The following KCNK1 variants were observed in gnomAD, a reference collection of about 807,000 sequenced individuals.
KCNK1 encodes potassium two pore domain channel subfamily K member 1.
Under a neutral mutation model 22.2 loss-of-function variants are expected in KCNK1, and 10 were observed. The observed-to-expected ratio is 0.45, with a 90% confidence interval of 0.28 to 0.76. The LOEUF (loss-of-function observed/expected upper bound fraction) is 0.76. Among genes scored for constraint, KCNK1 ranks in the 30% least tolerant of loss-of-function variants. The pLI is 0.14. For missense variants in KCNK1, 378 were observed against 421.0 expected (o/e 0.90, Z 0.89); for synonymous variants, 200 against 186.4 (o/e 1.07, Z -0.60).
chr1:233,662,210 AGCT>A (rs1658405494), intron 1 of KCNK1, among the ~76,000 whole-genome samples: 1 of 151,064 alleles, frequency 6.6e-6, no homozygotes, highest in Non-Finnish European at 1.5e-5. Context: ...CTTCTTTCGT[AGCT>A]GCTGCTGCTG....
chr1:233,636,070 G>A (rs1657891370), intron 1 of KCNK1, among the ~76,000 whole-genome samples: 1 of 152,160 alleles, frequency 6.6e-6, no homozygotes, highest in Non-Finnish European at 1.5e-5. Flanking sequence ...CGAGCTAAGA[G>A]GCCAGTGTGG....
chr1:233,616,634 A>G (rs755984216), intron 1 of KCNK1, among the ~76,000 whole-genome samples: 4 of 152,362 alleles, frequency 2.6e-5, no homozygotes, highest in East Asian at 3.9e-4. Context: ...TAGCACATCA[A>G]TGAATTCTTG....
intron 2 of KCNK1, among the ~76,000 whole-genome samples, chr1:233,669,314 C>T (rs922291661): frequency 5.9e-5 from 9 of 152,148 alleles, no homozygotes; most frequent in African/African-American, 2.2e-4. Flanking sequence ...AACCACTTAA[C>T]TTCTTCAGTG....
At position 233,666,649 on chromosome 1, in the gene KCNK1, A is replaced by G. The variant is rs773248344; in HGVS notation, c.410A>G (p.Tyr137Cys). 2 of 1,613,448 alleles carry G rather than the reference A, an allele frequency of 1.2e-6. No individual in the cohort carries two copies. The highest frequency in any genetic ancestry group is 2.2e-5 in the East Asian group (1 of 44,826). Reference sequence around the variant, plus strand: ...GGAGGTAAGGCCTTCTGCATCATCTACTCCGTCATTGGCATTCCCTTCACC... The same window carrying G: ...GGAGGTAAGGCCTTCTGCATCATCTGCTCCGTCATTGGCATTCCCTTCACC... Reference protein sequence around the residue: ...SDGGKAFCIIYSVIGIPFTLL... With the variant: ...SDGGKAFCIICSVIGIPFTLL... The change falls in exon 2 of 3, where the codon TAC becomes TGC. Residue 137 changes from tyrosine to cysteine, a missense_variant. Transcript: ENST00000366621.
At chr1:233,618,257 A>G (rs1449193664) in intron 1 of KCNK1, among the ~76,000 whole-genome samples, 1 of 152,182 alleles carries the variant, frequency 6.6e-6, no homozygotes, top group African/African-American at 2.4e-5. Flanking sequence ...CAACATCTGC[A>G]TAGGAATCTT....
rs1286075010 is a variant in KCNK1, at chr1:233,624,737, CAA to C, written c.355+10212_355+10213del. On this transcript the variant is annotated intron_variant, in intron 1 of 2. Transcript: ENST00000366621. ...GGTTTTGAAGCTATTCATATAAAAACAATGATATCTGGGGGGCCTCATGTGTA... is the reference window on the plus strand; with the variant it reads ...GGTTTTGAAGCTATTCATATAAAAACTGATATCTGGGGGGCCTCATGTGTA... 8.5e-5 allele frequency among the ~76,000 whole-genome samples: 13 copies of C among 152,276 alleles called. No individual in the cohort carries two copies. The East Asian group carries it at 2.5e-3, about 29-fold the overall frequency.
intron 1 of KCNK1, chr1:233,629,768 G>T: frequency 6.6e-6 from 1 of 152,354 alleles, no homozygotes. Flanking sequence ...AGGGATGAAG[G>T]AAAACCATGG....
chr1:233,660,584 C>T (rs1486066287), intron 1 of KCNK1: 1 of 152,180 alleles, frequency 6.6e-6, no homozygotes, highest in Non-Finnish European at 1.5e-5. Flanking sequence ...CGTTCTCGGA[C>T]CCTTGATAGA....
rs61562822 is a variant in KCNK1 at position 233,654,073 on chromosome 1, C to T, written c.356-12522C>T. Among the ~76,000 whole-genome samples the T allele has an allele frequency of 0.01, 1,547 of 151,992 alleles. 74 individuals carry two copies. In the East Asian group the frequency reaches 0.14, roughly 14 times the overall value. ...GAGCTATAAAGAAAGCCTTAATCCT[C>T]CTAGAAAATACCTAAGTGATCATGA... On this transcript the variant is annotated intron_variant, in intron 1 of 2. Transcript: ENST00000366621.
At position 233,650,624 on chromosome 1, in the gene KCNK1, T is replaced by TA. The variant is rs1425025366; in HGVS notation, c.356-15969dup. ...AATGTTTTACATGGATTGTTTCATT[T>TA]AACCCTCATAACACCTGCATGAGAT... is the stretch of plus-strand genomic sequence containing the variant. On this transcript the variant is annotated intron_variant, in intron 1 of 2. Transcript: ENST00000366621. Among the ~76,000 whole-genome samples, 3 of 152,302 alleles carry TA rather than the reference T, an allele frequency of 2.0e-5. No homozygotes were observed. In the East Asian group the frequency reaches 5.8e-4, roughly 29 times the overall value.
At chr1:233,635,910 G>A (rs1233197797) in intron 1 of KCNK1, among the ~76,000 whole-genome samples, 2 of 152,220 alleles carry the variant, frequency 1.3e-5, no homozygotes, top group Non-Finnish European at 2.9e-5. Context: ...AGAGAACGTT[G>A]ATATTTTATA....
intron 1 of KCNK1, among the ~76,000 whole-genome samples, chr1:233,654,070 C>T (rs1417526924): frequency 5.3e-5 from 8 of 151,990 alleles, no homozygotes; most frequent in African/African-American, 1.7e-4. Context: ...AAGCCTTAAT[C>T]CTCCTAGAAA....
chr1:233,632,496 T>C (rs1465951787), intron 1 of KCNK1, among the ~76,000 whole-genome samples: 2 of 152,164 alleles, frequency 1.3e-5, no homozygotes, highest in African/African-American at 4.8e-5. Context: ...CTTTTTTTCT[T>C]AAGCTGCCAA....
intron 1 of KCNK1, among the ~76,000 whole-genome samples, chr1:233,628,158 G>A (rs1657722341): frequency 6.6e-6 from 1 of 152,192 alleles, no homozygotes; most frequent in Non-Finnish European, 1.5e-5. Flanking sequence ...CATCTCACGG[G>A]AGCATTCCCT....
At chr1:233,628,430 G>A (rs539235044) in intron 1 of KCNK1, among the ~76,000 whole-genome samples, 4 of 152,174 alleles carry the variant, frequency 2.6e-5, no homozygotes, top group South Asian at 2.1e-4. Flanking sequence ...ACCTGCACAC[G>A]TACCCCCGAA....
chr1:233,626,296 T>C (rs1657688299), intron 1 of KCNK1, among the ~76,000 whole-genome samples: 2 of 152,092 alleles, frequency 1.3e-5, no homozygotes, highest in Non-Finnish European at 2.9e-5. Context: ...GGCAATGTGG[T>C]TCTTCTTTAC....
chr1:233,618,593 A>G (rs1436004215), intron 1 of KCNK1, among the ~76,000 whole-genome samples: 1 of 152,206 alleles, frequency 6.6e-6, no homozygotes, highest in African/African-American at 2.4e-5. Flanking sequence ...TTGGGTAAAA[A>G]TACAGTTTTT....
rs1658599214 is a variant in KCNK1 at position 233,671,551 on chromosome 1, T to G, written c.*21T>G. 1 of 1,612,936 alleles carries G rather than the reference T, an allele frequency of 6.2e-7. No individual in the cohort carries two copies. Among genetic ancestry groups the G allele is most frequent in the East Asian group, 2.2e-5 (1 of 44,892 alleles). The stretch of plus-strand genomic sequence containing the variant: ...ATTGAGCGTAGGATTTGTTGCATTA[T>G]GCTAGAGCACCAGGGTCAGGGTGCA... On this transcript the variant is annotated 3_prime_UTR_variant, in exon 3 of 3. Transcript: ENST00000366621.
At chr1:233,657,179 A>G (rs1248980200) in intron 1 of KCNK1, among the ~76,000 whole-genome samples, 1 of 152,176 alleles carries the variant, frequency 6.6e-6, no homozygotes, top group Non-Finnish European at 1.5e-5. Flanking sequence ...TAGCTTGGTG[A>G]GAGGGGGACA....
Sources: allele counts gnomAD v4.1 joint callset (sites outside exome capture counted in the v4.1 genomes callset), GRCh38; gene constraint gnomAD v4.1.1; transcripts MANE v1.5; gene names NCBI Gene and HGNC (gene_info 2026-07-23, HGNC 2026-07-21).